SMC6: variants seen among roughly 807,000 people sequenced by gnomAD.
The protein encoded by SMC6 is structural maintenance of chromosomes 6.
A neutral mutation model predicts 142.2 loss-of-function variants in SMC6; 79 were observed. That is an observed-to-expected ratio of 0.56 (90% CI 0.46 to 0.67). The LOEUF is 0.67. SMC6 is among the 30% of genes least tolerant of loss of function. The pLI, the probability that SMC6 is intolerant of heterozygous loss-of-function variation, is 0.00. For missense variants in SMC6, 1,072 were observed against 1,284.0 expected, an observed-to-expected ratio of 0.83 and a Z score of 2.52; for synonymous variants, 411 against 412.4, an observed-to-expected ratio of 1.00 and a Z score of 0.04.
chr2:17,683,799 C>A lies in SMC6; in HGVS notation c.2679-36G>T. The stretch of plus-strand genomic sequence containing the variant: ...AACAAAATATTACGTAAAAAATACA[C>A]CACACGTAAAAAACATAACAGTAGA... On this transcript the variant is annotated intron_variant, in intron 23 of 27. Coordinates refer to ENST00000448223, the MANE Select transcript of SMC6 (RefSeq NM_001142286.2). The A allele has an allele frequency of 1.3e-6, 2 of 1,579,298 alleles. 1 individual carries two copies. The highest frequency in any genetic ancestry group is 2.3e-5 in the South Asian group (2 of 88,722).
rs760819580 is a variant in SMC6, at chr2:17,700,255, T to C, written c.2347A>G (p.Ile783Val). 16 of 1,609,850 alleles carry C rather than the reference T, an allele frequency of 9.9e-6. No individual in the cohort carries two copies. The highest frequency in any genetic ancestry group is 2.2e-5 in the East Asian group (1 of 44,614). The change falls in exon 21 of 28, where the codon ATT (isoleucine) becomes GTT (valine). Residue 783 changes from isoleucine to valine, a missense_variant. Physicochemically the swap from Ile to Val is conservative, Grantham distance 29 (BLOSUM62 3). Transcript: ENST00000448223. ...KIEAENKYDA[I>V]KFKINQLSEL... ...GATAGTTGATTAATTTTGAATTTAA[T>C]TGCATCATACTTATTTTCTGCTTCT... is the stretch of plus-strand genomic sequence containing the variant.
chr2:17,747,328 C>T (rs1451985777), intron 2 of SMC6, among the ~76,000 whole-genome samples: 1 of 152,134 alleles, frequency 6.6e-6, no homozygotes, highest in Non-Finnish European at 1.5e-5. Flanking sequence ...GTTGCTGTGG[C>T]TAAGGAAATA....
intron 19 of SMC6, among the ~76,000 whole-genome samples, chr2:17,702,400 TACC>T (rs1234948278): frequency 6.6e-6 from 1 of 152,220 alleles, no homozygotes; most frequent in Non-Finnish European, 1.5e-5. Context: ...TGATTTGTAA[TACC>T]ACAACAGACT....
At chr2:17,747,781 GGT>G (rs1558384906) in intron 2 of SMC6, among the ~76,000 whole-genome samples, 5 of 152,124 alleles carry the variant, frequency 3.3e-5, no homozygotes, top group Admixed American at 3.3e-4. Flanking sequence ...TGGGATTATA[GGT>G]GTGAGTCATC....
Position 17,666,416 on chromosome 2 carries a change from T to C in SMC6, c.3161+4A>G, listed in dbSNP as rs779710567. On this transcript the variant is annotated splice_donor_region_variant and intron_variant, in intron 27 of 27. Coordinates refer to ENST00000448223, the MANE Select transcript of SMC6 (RefSeq NM_001142286.2). ...TATGTATCTAGAAAGTTTTAAAAAG[T>C]TACCTCATGCTTTGAGGTGTGAGCA... is the stretch of plus-strand genomic sequence containing the variant. 2.1e-5 allele frequency: 33 copies of C among 1,607,344 alleles called. No homozygotes were observed. The East Asian group carries it at 7.4e-4, about 36-fold the overall frequency.
chr2:17,708,849 TTTCC>T, intron 16 of SMC6, 96 bp from the exon 17 acceptor site: 2 of 333,784 alleles, frequency 6.0e-6, no homozygotes, highest in Non-Finnish European at 1.0e-5. Context: ...AGTATATATA[TTTCC>T]ATATATATTT....
At chr2:17,702,938 T>C (rs749124886) in intron 19 of SMC6, among the ~76,000 whole-genome samples, 2 of 152,208 alleles carry the variant, frequency 1.3e-5, no homozygotes, top group Non-Finnish European at 2.9e-5. Context: ...AACAGACTAA[T>C]ACATGAATTA....
rs1270900961 is a variant in SMC6 at position 17,752,358 on chromosome 2, C to CA, written c.-6+619dup. 4.0e-5 allele frequency among the ~76,000 whole-genome samples: 6 copies of CA among 151,856 alleles called. No individual in the cohort carries two copies. The South Asian group carries it at 1.2e-3, about 32-fold the overall frequency. ...ACTGTTTAGGGAATAATGACAAGAA[C>CA]AAAAAAAAGTCTGTGCAACCATCCA... On this transcript the variant is annotated intron_variant, in intron 2 of 27. Coordinates refer to ENST00000448223, the MANE Select transcript of SMC6 (RefSeq NM_001142286.2).
intron 22 of SMC6, among the ~76,000 whole-genome samples, chr2:17,695,599 C>T (rs1029398975): frequency 3.3e-5 from 5 of 152,094 alleles, no homozygotes; most frequent in South Asian, 2.1e-4. Context: ...CCCAGGGCAT[C>T]GAGGTGAGAT....
chr2:17,745,954 G>C lies in SMC6; in HGVS notation c.-5-3C>G. The C allele has an allele frequency of 6.3e-7, 1 of 1,590,618 alleles. No individual in the cohort carries two copies. The highest frequency in any genetic ancestry group is 8.5e-7 in the Non-Finnish European group (1 of 1,169,846). On this transcript the variant is annotated splice_region_variant and splice_polypyrimidine_tract_variant and intron_variant, in intron 2 of 27. Transcript: ENST00000448223. The stretch of plus-strand genomic sequence containing the variant: ...TTCCTTTCTTTTGGCCATCAGGTCT[G>C]AACAAATATTTATAGTAACAATGAG...
At chr2:17,672,392 GATAA>G (rs1245664666) in intron 25 of SMC6, among the ~76,000 whole-genome samples, 1 of 149,708 alleles carries the variant, frequency 6.7e-6, no homozygotes, top group South Asian at 2.2e-4. Flanking sequence ...TAGCTGTGGA[GATAA>G]ATTATTCAAG....
At chr2:17,743,874 T>C (rs991169344) in intron 3 of SMC6, among the ~76,000 whole-genome samples, 4 of 152,166 alleles carry the variant, frequency 2.6e-5, no homozygotes, top group African/African-American at 7.2e-5. Context: ...TTCTGTCACT[T>C]AGTAATATAC....
intron 12 of SMC6, among the ~76,000 whole-genome samples, chr2:17,717,692 A>C (rs989603872): frequency 2.1e-4 from 32 of 151,584 alleles, no homozygotes; most frequent in Admixed American, 9.9e-4. Context: ...AATTAAAAAA[A>C]TAGAAGAGGC....
chr2:17,718,009 G>T, intron 12 of SMC6, 68 bp downstream of exon 12: 2 of 1,440,760 alleles, frequency 1.4e-6, no homozygotes, highest in Non-Finnish European at 1.9e-6. Flanking sequence ...TAATAAAAAA[G>T]GATAGAAGAA....
At chr2:17,713,076 T>C (rs924867555) in intron 16 of SMC6, among the ~76,000 whole-genome samples, 1 of 152,218 alleles carries the variant, frequency 6.6e-6, no homozygotes, top group Non-Finnish European at 1.5e-5. Flanking sequence ...GTCTAAACAC[T>C]TTCTCGTAGG....
At chr2:17,726,576 C>A in intron 7 of SMC6, 107 bp from the exon 8 acceptor site, 2 of 745,032 alleles carry the variant, frequency 2.7e-6, no homozygotes, top group Non-Finnish European at 2.2e-6. Flanking sequence ...TCAGGAAGGC[C>A]AAGCAATAGC....
chr2:17,677,101 C>T (rs574797491), intron 25 of SMC6, among the ~76,000 whole-genome samples: 1 of 152,258 alleles, frequency 6.6e-6, no homozygotes, highest in Admixed American at 6.5e-5. Context: ...AAATGGTGAG[C>T]GTGGACAGAA....
intron 24 of SMC6, chr2:17,681,829 T>C (rs1558330303): frequency 6.6e-6 from 1 of 152,006 alleles, no homozygotes; most frequent in Non-Finnish European, 1.5e-5. Flanking sequence ...CACAGAGACA[T>C]AAAGGGATCA....
At chr2:17,710,260 A>G (rs1014213621) in intron 16 of SMC6, among the ~76,000 whole-genome samples, 6 of 152,218 alleles carry the variant, frequency 3.9e-5, no homozygotes, top group Admixed American at 3.9e-4. Flanking sequence ...AGCAGAAAGG[A>G]GTCAAGAATG....
Sources: allele counts gnomAD v4.1 joint callset (sites outside exome capture counted in the v4.1 genomes callset), GRCh38; gene constraint gnomAD v4.1.1; transcripts MANE v1.5; gene names NCBI Gene and HGNC (gene_info 2026-07-23, HGNC 2026-07-21).